The following SEMA3A variants were observed in gnomAD, a reference collection of about 807,000 sequenced individuals.
SEMA3A encodes semaphorin-3A.
Under a neutral mutation model 97.9 loss-of-function variants are expected in SEMA3A, and 29 were observed. The observed-to-expected ratio is 0.30, with a 90% CI of 0.22 to 0.40. The LOEUF is 0.40. SEMA3A is among the 10% of genes least tolerant of loss of function. SEMA3A has a pLI of 1.00. For synonymous variants in SEMA3A, 321 were observed against 323.7 expected, an observed-to-expected ratio of 0.99 and a Z score of 0.09; for missense variants, 763 against 951.3, an observed-to-expected ratio of 0.80 and a Z score of 2.60.
intron 6 of SEMA3A, among the ~76,000 whole-genome samples, chr7:84,028,909 GT>G (rs1791643132): frequency 6.6e-6 from 1 of 152,180 alleles, no homozygotes; most frequent in Non-Finnish European, 1.5e-5. Context: ...GTGAGCCACA[GT>G]GCCTGACCAT....
chr7:84,147,200 C>T (rs1386872644), intron 1 of SEMA3A, among the ~76,000 whole-genome samples: 2 of 152,104 alleles, frequency 1.3e-5, no homozygotes, highest in African/African-American at 4.8e-5. Context: ...TAGTGATAAA[C>T]CACTTTGTCA....
chr7:84,001,838 CTAAT>C (rs1242550214), intron 12 of SEMA3A, 113 bp downstream of exon 12: 19 of 488,860 alleles, frequency 3.9e-5, no homozygotes, highest in African/African-American at 3.6e-4. Context: ...AATTGACAAG[CTAAT>C]TAGAAGGGTA....
At chr7:84,107,382 T>C (rs995877667) in intron 4 of SEMA3A, among the ~76,000 whole-genome samples, 1 of 152,224 alleles carries the variant, frequency 6.6e-6, no homozygotes, top group Non-Finnish European at 1.5e-5. Context: ...CAGAATTTCA[T>C]AGATTGACTG....
chr7:84,091,212 GA>G (rs58521122), intron 4 of SEMA3A, among the ~76,000 whole-genome samples: 819 of 60,816 alleles, frequency 0.013, 45 homozygotes, highest in Non-Finnish European at 0.017. Context: ...AAGAAAGAAA[GA>G]AAAGAAAAGA....
chr7:84,213,437 C>G (rs895077536), intron 3 of SEMA3A, among the ~76,000 whole-genome samples: 2 of 152,274 alleles, frequency 1.3e-5, no homozygotes, highest in East Asian at 3.9e-4. Context: ...TACAACCACA[C>G]TCAGCTAATT....
chr7:83,992,264 A>T (rs1789984915), intron 12 of SEMA3A, among the ~76,000 whole-genome samples: 1 of 149,794 alleles, frequency 6.7e-6, no homozygotes, highest in Admixed American at 6.6e-5. Flanking sequence ...CCTTTCAAAA[A>T]ACCAGCTCCT....
intron 1 of SEMA3A, among the ~76,000 whole-genome samples, chr7:84,446,149 T>C (rs1805409752): frequency 6.6e-6 from 1 of 152,290 alleles, no homozygotes; most frequent in South Asian, 2.1e-4. Context: ...CAAGACTAAA[T>C]CTTGAAGAAA....
At chr7:84,051,173 G>A (rs1285776589) in intron 5 of SEMA3A, among the ~76,000 whole-genome samples, 1 of 148,280 alleles carries the variant, frequency 6.7e-6, no homozygotes, top group East Asian at 2.0e-4. Context: ...TTTTGGCTTA[G>A]GATTGACTTT....
intron 6 of SEMA3A, among the ~76,000 whole-genome samples, chr7:84,040,943 C>A (rs1215448211): frequency 1.3e-5 from 2 of 151,966 alleles, no homozygotes; most frequent in African/African-American, 4.8e-5. Flanking sequence ...ACTTCTAAAT[C>A]TTAGATTCCT....
At chr7:84,055,565 G>A (rs573911782) in intron 5 of SEMA3A, among the ~76,000 whole-genome samples, 258 of 151,416 alleles carry the variant, frequency 1.7e-3, no homozygotes, top group African/African-American at 5.6e-3. Flanking sequence ...GCTTTGGCTC[G>A]TGCACGGTGC....
intron 2 of SEMA3A, among the ~76,000 whole-genome samples, chr7:84,319,229 G>C (rs1326196603): frequency 6.6e-6 from 1 of 152,102 alleles, no homozygotes; most frequent in African/African-American, 2.4e-5. Flanking sequence ...TAATTAGGAG[G>C]TTCTGTGGCC....
At chr7:84,489,356 G>T (rs1422749553) in intron 1 of SEMA3A, among the ~76,000 whole-genome samples, 1 of 152,074 alleles carries the variant, frequency 6.6e-6, no homozygotes, top group East Asian at 1.9e-4. Context: ...GGGACACAGA[G>T]CCAAACCATA....
intron 3 of SEMA3A, among the ~76,000 whole-genome samples, chr7:84,224,521 A>T (rs1798946483): frequency 6.6e-6 from 1 of 152,168 alleles, no homozygotes; most frequent in South Asian, 2.1e-4. Flanking sequence ...AACAGACAAC[A>T]TCATGATGAA....
intron 1 of SEMA3A, among the ~76,000 whole-genome samples, chr7:84,190,097 CT>C (rs1797996294): frequency 6.6e-6 from 1 of 151,636 alleles, no homozygotes; most frequent in Non-Finnish European, 1.5e-5. Context: ...GAGTTAGAGG[CT>C]TACATGAATT....
intron 6 of SEMA3A, among the ~76,000 whole-genome samples, chr7:84,038,147 T>C (rs950190918): frequency 2.0e-5 from 3 of 150,174 alleles, no homozygotes; most frequent in African/African-American, 4.9e-5. Context: ...GCAGAGTCGA[T>C]TTACTTTCAT....
At chr7:83,962,617 G>T (rs1048676625) in intron 16 of SEMA3A, among the ~76,000 whole-genome samples, 3 of 151,936 alleles carry the variant, frequency 2.0e-5, no homozygotes, top group Non-Finnish European at 2.9e-5. Flanking sequence ...AGTTTTAAAG[G>T]CTCGTAGTGC....
At chr7:84,382,007 T>A (rs868247550) in intron 1 of SEMA3A, among the ~76,000 whole-genome samples, 30 of 152,152 alleles carry the variant, frequency 2.0e-4, no homozygotes, top group African/African-American at 7.2e-4. Flanking sequence ...GTGCAGCAGT[T>A]GAGGCAATCA....
chr7:84,409,640 A>G (rs993444441), intron 1 of SEMA3A, among the ~76,000 whole-genome samples: 1 of 152,240 alleles, frequency 6.6e-6, no homozygotes, highest in South Asian at 2.1e-4. Flanking sequence ...GCTATTGTGT[A>G]AATTCTTCTT....
intron 1 of SEMA3A, among the ~76,000 whole-genome samples, chr7:84,400,068 G>C (rs967703406): frequency 6.6e-6 from 1 of 152,194 alleles, no homozygotes; most frequent in Non-Finnish European, 1.5e-5. Context: ...AGCATATTGG[G>C]CTTAGTGTGC....
Sources: allele counts gnomAD v4.1 joint callset (sites outside exome capture counted in the v4.1 genomes callset), GRCh38; gene constraint gnomAD v4.1.1; transcripts MANE v1.5; gene names NCBI Gene and HGNC (gene_info 2026-07-23, HGNC 2026-07-21).